GFI1: variants seen among roughly 807,000 people sequenced by gnomAD.
The protein encoded by GFI1 is growth factor independent 1 transcriptional repressor, also known as zinc finger protein Gfi-1.
GFI1 carries 15 observed loss-of-function variants against 39.2 expected under a neutral mutation model. That is an observed-to-expected ratio of 0.38 (90% confidence interval 0.26 to 0.59). The LOEUF (loss-of-function observed/expected upper bound fraction) is 0.59, where lower values mean the gene tolerates loss of function less well. Among genes scored for constraint, GFI1 ranks in the 20% least tolerant of loss-of-function variants. GFI1 has a pLI of 0.62. For synonymous variants in GFI1, 239 were observed against 254.3 expected, an observed-to-expected ratio of 0.94 and a Z score of 0.57; for missense variants, 475 against 574.0, an observed-to-expected ratio of 0.83 and a Z score of 1.76.
chr1:92,475,509 G>C lies in GFI1; in HGVS notation c.*520C>G, dbSNP rs1657914605. On this transcript the variant is annotated 3_prime_UTR_variant, in exon 7 of 7. Coordinates refer to ENST00000294702, the MANE Select transcript of GFI1 (RefSeq NM_005263.5). ...CAAGATTTATAGGCAGCACCCAAAA[G>C]AAAGGAGTCAACAGACCCCCCAGAA... 1 of 168,482 alleles carries C rather than the reference G, an allele frequency of 5.9e-6. No homozygotes were observed. Among genetic ancestry groups the C allele is most frequent in the Non-Finnish European group, 1.3e-5 (1 of 77,004 alleles). 10.4% of individuals were successfully genotyped at this position (168,482 alleles called of 1,614,324 possible). A position where few individuals can be genotyped will look rare whatever the true frequency, so the allele number is the denominator to read the frequency against.
chr1:92,482,537 A>G lies in GFI1; in HGVS notation c.298+327T>C, dbSNP rs1658311825. Among the ~76,000 whole-genome samples the G allele has an allele frequency of 6.6e-6, 1 of 152,104 alleles. No individual in the cohort carries two copies. Among genetic ancestry groups the G allele is most frequent in the African/African-American group, 2.4e-5 (1 of 41,392 alleles). ...GATCCTAGCACTTTATAAAACAGTC[A>G]GGTCTGGTCAGAAAATGAAAGGTCA... On this transcript the variant is annotated intron_variant, in intron 3 of 6. Transcript: ENST00000294702. The surrounding 1 kb of genome is among the most constrained non-coding windows in gnomAD (Gnocchi z 4.4).
chr1:92,477,016 T>C (rs6668660), intron 6 of GFI1, among the ~76,000 whole-genome samples: 3,253 of 152,262 alleles, frequency 0.021, 130 homozygotes, highest in African/African-American at 0.073. Context: ...TGTTGTTGGG[T>C]AAATGGCATG....
chr1:92,478,871 T>G, intron 5 of GFI1, 118 bp from the exon 6 acceptor site: 1 of 1,352,374 alleles, frequency 7.4e-7, no homozygotes, highest in Non-Finnish European at 1.0e-6. Flanking sequence ...CTTGAACACT[T>G]TTTCTTTCTT....
In GFI1 at chr1:92,482,793, C is replaced by T. The variant is rs995056593; in HGVS notation, c.298+71G>A. 5.0e-6 allele frequency: 6 copies of T among 1,209,922 alleles called. No homozygotes were observed. Among genetic ancestry groups the T allele is most frequent in the Admixed American group, 3.5e-5 (2 of 57,614 alleles). 74.9% of individuals were successfully genotyped at this position (1,209,922 alleles called of 1,614,324 possible). A position where few individuals can be genotyped will look rare whatever the true frequency, so the allele number is the denominator to read the frequency against. ...CCGTTAGCATTTCTACGCCCAAGGT[C>T]GCGCCAATTCCCCCCCAGCACTGCC... On this transcript the variant is annotated intron_variant, in intron 3 of 6. Transcript: ENST00000294702. The surrounding 1 kb of genome is among the most constrained non-coding windows in gnomAD (Gnocchi z 4.4).
Position 92,480,414 on chromosome 1 carries a change from G to A in GFI1, c.858C>T (p.Cys286=). 2 of 1,550,392 alleles carry A rather than the reference G, an allele frequency of 1.3e-6. No individual in the cohort carries two copies. Among genetic ancestry groups the A allele is most frequent in the Non-Finnish European group, 1.7e-6 (2 of 1,146,638 alleles). ...RSHSGTRPFA[C]EMCGKTFGHA... ...GCCCGAAGGTCTTGCCGCACATCTC[G>A]CAGGCAAAGGGTCTGGTACCGCTGT... The change falls in exon 5 of 7, where the codon TGC becomes TGT. Residue 286 remains cysteine, a synonymous_variant. Coordinates refer to ENST00000294702, the MANE Select transcript of GFI1 (RefSeq NM_005263.5). The surrounding 1 kb of genome is among the most constrained non-coding windows in gnomAD (Gnocchi z 5.6).
intron 1 of GFI1, among the ~76,000 whole-genome samples, chr1:92,485,113 C>A (rs569807940): frequency 2.6e-5 from 4 of 152,322 alleles, no homozygotes; most frequent in Non-Finnish European, 4.4e-5. Context: ...TGGGAATAGA[C>A]CTGGGAGAAA....
Position 92,482,955 on chromosome 1 carries a change from G to C in GFI1, c.207C>G (p.Ser69=). 6.2e-7 allele frequency: 1 copy of C among 1,613,814 alleles called. No homozygotes were observed. The highest frequency in any genetic ancestry group is 8.5e-7 in the Non-Finnish European group (1 of 1,179,874). Residue 69 remains serine, a synonymous_variant, in exon 3 of 7, where the codon TCC becomes TCG. Transcript: ENST00000294702. This position sits in a 1 kb window ranked among gnomAD's most constrained non-coding sequence, Gnocchi z 4.4. ...TGCCTTCGCAGCTGTCTGGGGATGCGGAGGCTCTGTCTGGGGCTTCGGTCA... is the reference window on the plus strand; with the variant it reads ...TGCCTTCGCAGCTGTCTGGGGATGCCGAGGCTCTGTCTGGGGCTTCGGTCA... ...SQLTEAPDRA[S]ASPDSCEGSV...
In GFI1 at chr1:92,482,831, C is replaced by G. The variant is rs1370861158; in HGVS notation, c.298+33G>C. The G allele has an allele frequency of 6.3e-7, 1 of 1,583,708 alleles. No individual in the cohort carries two copies. The highest frequency in any genetic ancestry group is 1.1e-5 in the South Asian group (1 of 90,452). ...CCCCAGCACTGCCGGGTCCCTGCAG[C>G]TCCCGCCCAAGAGGTTCCCAGTGGG... On this transcript the variant is annotated intron_variant, in intron 3 of 6. Coordinates refer to ENST00000294702, the MANE Select transcript of GFI1 (RefSeq NM_005263.5). The surrounding 1 kb of genome is among the most constrained non-coding windows in gnomAD (Gnocchi z 4.4).
In GFI1 at chr1:92,481,111, T is replaced by G; in HGVS notation, c.299-23A>C. ...AGGCTGTGGAGGCACAAGGGGAGCG[T>G]CCGGTCAGGCTTCAGACGGCAGAGC... On this transcript the variant is annotated intron_variant, in intron 3 of 6. Transcript: ENST00000294702. The surrounding 1 kb of genome is among the most constrained non-coding windows in gnomAD (Gnocchi z 4.3). The G allele has an allele frequency of 2.5e-6, 4 of 1,600,464 alleles. No individual in the cohort carries two copies. Among genetic ancestry groups the G allele is most frequent in the Non-Finnish European group, 3.4e-6 (4 of 1,171,768 alleles).
chr1:92,482,995 G>A lies in GFI1; in HGVS notation c.167C>T (p.Ser56Phe), dbSNP rs1416697884. 5.0e-6 allele frequency: 8 copies of A among 1,610,116 alleles called. No homozygotes were observed. The Admixed American group carries it at 6.7e-5, about 13-fold the overall frequency. ...GAKAEPRDRLSPESQLTEAPD... is the reference protein window; with the variant it reads ...GAKAEPRDRLFPESQLTEAPD... Reference sequence around the variant, plus strand: ...GGCTTCGGTCAGCTGCGATTCGGGGGACAAACGGTCCCGGGGCTCCGCCTT... The same window carrying A: ...GGCTTCGGTCAGCTGCGATTCGGGGAACAAACGGTCCCGGGGCTCCGCCTT... The change falls in exon 3 of 7, where the codon TCC becomes TTC. Residue 56 changes from serine to phenylalanine, a missense_variant. This residue lies in a region of GFI1 where 275 missense variants were observed against 275.8 expected (regional missense o/e 1.00). Transcript: ENST00000294702. The surrounding 1 kb of genome is among the most constrained non-coding windows in gnomAD (Gnocchi z 4.4).
rs1255401681 is a variant in GFI1, at chr1:92,481,917, T to C, written c.299-829A>G. Among the ~76,000 whole-genome samples, 1 of 149,648 alleles carries C rather than the reference T, an allele frequency of 6.7e-6. No individual in the cohort carries two copies. The highest frequency in any genetic ancestry group is 2.5e-5 in the African/African-American group (1 of 40,658). Reference sequence around the variant, plus strand: ...AACTAGTGACCCCAACGCATGTGAGTGCATACGGCATTTACAAATGTGTGT... The same window carrying C: ...AACTAGTGACCCCAACGCATGTGAGCGCATACGGCATTTACAAATGTGTGT... On this transcript the variant is annotated intron_variant, in intron 3 of 6. Transcript: ENST00000294702. This position sits in a 1 kb window ranked among gnomAD's most constrained non-coding sequence, Gnocchi z 4.3.
rs1260897264 is a variant in GFI1 at position 92,473,584 on chromosome 1, T to G, written c.*2445A>C. 6.6e-6 allele frequency among the ~76,000 whole-genome samples: 1 copy of G among 152,198 alleles called. No individual in the cohort carries two copies. The highest frequency in any genetic ancestry group is 1.5e-5 in the Non-Finnish European group (1 of 68,030). On this transcript the variant is annotated 3_prime_UTR_variant, in exon 7 of 7. Coordinates refer to ENST00000294702, the MANE Select transcript of GFI1 (RefSeq NM_005263.5). Reference sequence around the variant, plus strand: ...AGTAAACTGACATGGAAAGACATGGTGCTGGAAATCAGGTGAGGACAGCCA... The same window carrying G: ...AGTAAACTGACATGGAAAGACATGGGGCTGGAAATCAGGTGAGGACAGCCA...
At chr1:92,486,554 A>G (rs1220699641) in intron 1 of GFI1, among the ~76,000 whole-genome samples, 172 bp downstream of exon 1, 1 of 19,932 alleles carries the variant, frequency 5.0e-5, no homozygotes, top group Non-Finnish European at 9.4e-5. Flanking sequence ...GCCGCCTCCT[A>G]GGGCTGCACC....
Position 92,476,041 on chromosome 1 carries a change from A to G in GFI1, c.1257T>C (p.His419=), listed in dbSNP as rs1272784408. The change falls in exon 7 of 7, where the codon CAT becomes CAC. Residue 419 remains histidine (H), a synonymous_variant. Coordinates refer to ENST00000294702, the MANE Select transcript of GFI1 (RefSeq NM_005263.5). ...CCAGCCAGGGTGCTCATTTGAGCCCATGCTGCGTCTCCCGGTGCCTTCGGA... is the reference window on the plus strand; with the variant it reads ...CCAGCCAGGGTGCTCATTTGAGCCCGTGCTGCGTCTCCCGGTGCCTTCGGA... ...VDLRRHRETQ[H]GLK The G allele has an allele frequency of 1.2e-6, 2 of 1,614,052 alleles. No individual in the cohort carries two copies. Among genetic ancestry groups the G allele is most frequent in the South Asian group, 1.1e-5 (1 of 91,018 alleles).
Position 92,484,924 on chromosome 1 carries a change from G to T in GFI1, c.-99-1338C>A, listed in dbSNP as rs1370372564. 6.6e-6 allele frequency among the ~76,000 whole-genome samples: 1 copy of T among 152,224 alleles called. No homozygotes were observed. Among genetic ancestry groups the T allele is most frequent in the East Asian group, 1.9e-4 (1 of 5,192 alleles). The stretch of plus-strand genomic sequence containing the variant: ...AGGACCTGCAGTCCTCCGGCTTCGC[G>T]CTGTTTCCACTGCCGGACTAGGAGC... On this transcript the variant is annotated intron_variant, in intron 1 of 6. Coordinates refer to ENST00000294702, the MANE Select transcript of GFI1 (RefSeq NM_005263.5). The surrounding 1 kb of genome is among the most constrained non-coding windows in gnomAD (Gnocchi z 4.1).
Position 92,475,653 on chromosome 1 carries a change from G to C in GFI1, c.*376C>G. The C allele has an allele frequency of 3.3e-6, 1 of 302,036 alleles. No individual in the cohort carries two copies. Among genetic ancestry groups the C allele is most frequent in the Non-Finnish European group, 6.4e-6 (1 of 155,462 alleles). 18.7% of individuals were successfully genotyped at this position (302,036 alleles called of 1,614,324 possible). On this transcript the variant is annotated 3_prime_UTR_variant, in exon 7 of 7. Coordinates refer to ENST00000294702, the MANE Select transcript of GFI1 (RefSeq NM_005263.5). ...AAATATCTGGGGTAGGTCAAGAGGG[G>C]GGAGGGAAGAAACCTGAAGGGCATT...
chr1:92,482,918 G>A lies in GFI1; in HGVS notation c.244C>T (p.Arg82Trp), dbSNP rs759852404. 46 of 1,614,080 alleles carry A rather than the reference G, an allele frequency of 2.8e-5. No homozygotes were observed. Among genetic ancestry groups the A allele is most frequent in the Non-Finnish European group, 1.1e-5 (13 of 1,179,996 alleles). Residue 82 changes from arginine (R) to tryptophan (W), a missense_variant, in exon 3 of 7, where the codon CGG (arginine) becomes TGG (tryptophan). Physicochemically the swap from Arg to Trp is moderately radical, Grantham distance 101. Transcript: ENST00000294702. This position sits in a 1 kb window ranked among gnomAD's most constrained non-coding sequence, Gnocchi z 4.4. Reference sequence around the variant, plus strand: ...CAGAAGTCCTCAAACTCCGAGCTCCGTTCGCAGACGCTGCCTTCGCAGCTG... The same window carrying A: ...CAGAAGTCCTCAAACTCCGAGCTCCATTCGCAGACGCTGCCTTCGCAGCTG... The part of the protein sequence containing the change: ...PDSCEGSVCE[R>W]SSEFEDFWRP...
rs1557668776 is a variant in GFI1 at position 92,480,309 on chromosome 1, C to T, written c.924+39G>A. Reference sequence around the variant, plus strand: ...TGCACCGAGGAGATGCAGAAGATCCCCGAGCAGGGCCGCGCGCGGCGGTGC... The same window carrying T: ...TGCACCGAGGAGATGCAGAAGATCCTCGAGCAGGGCCGCGCGCGGCGGTGC... On this transcript the variant is annotated intron_variant, in intron 5 of 6. Transcript: ENST00000294702. The surrounding 1 kb of genome is among the most constrained non-coding windows in gnomAD (Gnocchi z 5.6). The T allele has an allele frequency of 1.9e-6, 3 of 1,539,936 alleles. No individual in the cohort carries two copies. In the Admixed American group the frequency reaches 5.9e-5, roughly 30 times the overall value.
chr1:92,485,238 G>C (rs1658472096), intron 1 of GFI1, among the ~76,000 whole-genome samples: 1 of 152,218 alleles, frequency 6.6e-6, no homozygotes, highest in East Asian at 1.9e-4. Flanking sequence ...CCTAGGGCTA[G>C]AGCTTTGTCG....
Sources: gnomAD v4.1 joint callset for allele counts (sites outside exome capture counted in the v4.1 genomes callset) on GRCh38, gnomAD v4.1.1 for gene constraint, gnomAD v4.1.1 regional missense constraint, Gnocchi (gnomAD v3.1) non-coding constraint, MANE v1.5 for transcripts, NCBI Gene and HGNC (gene_info 2026-07-23, HGNC 2026-07-21) for gene names.